Variants in CNST observed in about 807,000 individuals in gnomAD.
CNST encodes the protein consortin.
In CNST, 39 loss-of-function variants were observed where a neutral mutation model predicts 72.4. That is an observed-to-expected ratio of 0.54 (90% CI 0.42 to 0.70). CNST has a LOEUF of 0.70. CNST is among the 30% of genes least tolerant of loss of function. CNST has a pLI of 0.00. For synonymous variants in CNST, 332 were observed against 320.1 expected, an observed-to-expected ratio of 1.04 and a Z score of -0.40; for missense variants, 871 against 868.5, an observed-to-expected ratio of 1.00 and a Z score of -0.04.
intron 8 of CNST, among the ~76,000 whole-genome samples, chr1:246,642,641 T>C (rs1372094442): frequency 1.3e-5 from 2 of 151,678 alleles, no homozygotes; most frequent in African/African-American, 4.8e-5. Flanking sequence ...ATGTTGCTCA[T>C]TATAAAAGCT....
In CNST at chr1:246,647,942, C is replaced by G. The variant is rs764848856; in HGVS notation, c.1741C>G (p.Pro581Ala). The change falls in exon 9 of 11, where the codon CCT becomes GCT. Residue 581 changes from proline to alanine, a missense_variant. Pro to Ala is a conservative substitution (Grantham distance 27). Coordinates refer to ENST00000366513, the MANE Select transcript of CNST (RefSeq NM_152609.3). Reference sequence around the variant, plus strand: ...CTCCGATCTCCTTCAAGATCTCTCTCCTGAAGAAGCATCCTATAGTCTCCA... The same window carrying G: ...CTCCGATCTCCTTCAAGATCTCTCTGCTGAAGAAGCATCCTATAGTCTCCA... ...DDSDLLQDLS[P>A]EEASYSLQEN... 5 of 1,613,448 alleles carry G rather than the reference C, an allele frequency of 3.1e-6. No individual in the cohort carries two copies. The highest frequency in any genetic ancestry group is 4.2e-6 in the Non-Finnish European group (5 of 1,179,638).
chr1:246,636,506 T>C (rs1331457449), intron 6 of CNST, among the ~76,000 whole-genome samples: 3 of 152,302 alleles, frequency 2.0e-5, no homozygotes, highest in Non-Finnish European at 4.4e-5. Context: ...AACCGGTTTT[T>C]TCCTGGCTAG....
At chr1:246,659,551 C>T (rs927250136) in intron 9 of CNST, among the ~76,000 whole-genome samples, 44 of 151,570 alleles carry the variant, frequency 2.9e-4, no homozygotes, top group African/African-American at 9.4e-4. Context: ...GCCGAGATCG[C>T]GCCACTGCAC....
At chr1:246,636,331 G>A (rs1054574843) in intron 6 of CNST, among the ~76,000 whole-genome samples, 2 of 152,060 alleles carry the variant, frequency 1.3e-5, no homozygotes, top group African/African-American at 2.4e-5. Context: ...CCAGGTCGAC[G>A]GGCGTTCCTG....
Position 246,634,030 on chromosome 1 carries a change from G to C in CNST, c.703+20G>C, listed in dbSNP as rs769513281. 1.3e-5 allele frequency: 19 copies of C among 1,480,360 alleles called. No individual in the cohort carries two copies. The highest frequency in any genetic ancestry group is 3.4e-4 in the Middle Eastern group (2 of 5,846). The allele number at this position is 1,480,360 out of a possible 1,614,324, so 91.7% of individuals were successfully genotyped here. ...AGTGGGGTAAGTACAGACCAACATG[G>C]AATGTGGAATTAGCAGTAATCCAAC... On this transcript the variant is annotated intron_variant, in intron 5 of 10. Coordinates refer to ENST00000366513, the MANE Select transcript of CNST (RefSeq NM_152609.3).
Position 246,579,817 on chromosome 1 carries a change from C to T in CNST, c.-51-11695C>T, listed in dbSNP as rs568575762. Among the ~76,000 whole-genome samples the T allele has an allele frequency of 3.3e-5, 5 of 152,188 alleles. No individual in the cohort carries two copies. The South Asian group carries it at 1.0e-3, about 32-fold the overall frequency. On this transcript the variant is annotated intron_variant, in intron 1 of 10. Transcript: ENST00000366513. ...AGAGTAAATAAAACAAAATTTCTAG[C>T]GGTTGACATCTGGAGACTATTTACA... is the stretch of plus-strand genomic sequence containing the variant.
chr1:246,585,691 ACACACACACACACACACACAC>A (rs1661119072), intron 1 of CNST, among the ~76,000 whole-genome samples: 1 of 147,834 alleles, frequency 6.8e-6, no homozygotes, highest in Non-Finnish European at 1.5e-5. Flanking sequence ...ACACACACAC[ACACACACACACACACACACAC>A]TATATATGTA....
intron 1 of CNST, among the ~76,000 whole-genome samples, chr1:246,582,001 G>A (rs115509231): frequency 0.012 from 1,877 of 152,180 alleles, 20 homozygotes; most frequent in Non-Finnish European, 0.021. Context: ...AAATAGAAGT[G>A]TCTTTTCATT....
chr1:246,602,122 C>T (rs1162290046), intron 2 of CNST, among the ~76,000 whole-genome samples: 1 of 152,102 alleles, frequency 6.6e-6, no homozygotes, highest in Non-Finnish European at 1.5e-5. Flanking sequence ...TGCACCATTT[C>T]CAGGAGTGTT....
intron 1 of CNST, among the ~76,000 whole-genome samples, chr1:246,574,162 C>T (rs1055665918): frequency 1.3e-5 from 2 of 152,206 alleles, no homozygotes; most frequent in African/African-American, 4.8e-5. Context: ...CCGCCTCAGC[C>T]TCCGGAGTGG....
chr1:246,607,073 C>T (rs1662900545), intron 2 of CNST: 1 of 152,516 alleles, frequency 6.6e-6, no homozygotes, highest in African/African-American at 2.4e-5. Context: ...CCTTGGCCAC[C>T]ACTCGGCTGT....
At chr1:246,662,752 A>G (rs1048613610) in intron 10 of CNST, among the ~76,000 whole-genome samples, 1 of 152,206 alleles carries the variant, frequency 6.6e-6, no homozygotes, top group Non-Finnish European at 1.5e-5. Context: ...AATGTGATCT[A>G]TATGAAAAAA....
At chr1:246,655,068 G>T (rs1223247335) in intron 9 of CNST, among the ~76,000 whole-genome samples, 1 of 151,906 alleles carries the variant, frequency 6.6e-6, no homozygotes, top group African/African-American at 2.4e-5. Context: ...CAATTTTCTG[G>T]GCCTTAAAAA....
chr1:246,646,279 C>CAAAAAAAAAAAAAAAAAAAA (rs550697329), intron 8 of CNST, among the ~76,000 whole-genome samples: 1 of 99,424 alleles, frequency 1.0e-5, no homozygotes, highest in African/African-American at 4.5e-5. Flanking sequence ...AACTCCGTCT[C>CAAAAAAAAAAAAAAAAAAAA]AAAAAAAAAA....
At chr1:246,615,979 G>T (rs149752840) in intron 2 of CNST, among the ~76,000 whole-genome samples, 41 of 152,196 alleles carry the variant, frequency 2.7e-4, no homozygotes, top group Non-Finnish European at 4.6e-4. Context: ...CTTAAATTAG[G>T]TCTTATGAAT....
intron 2 of CNST, among the ~76,000 whole-genome samples, chr1:246,615,237 G>A (rs1040912848): frequency 2.6e-5 from 4 of 152,030 alleles, no homozygotes; most frequent in Admixed American, 2.0e-4. Context: ...GCGCAGTGGC[G>A]CGATCTCGGC....
intron 2 of CNST, among the ~76,000 whole-genome samples, chr1:246,595,693 G>A (rs1002900358): frequency 6.6e-6 from 1 of 151,932 alleles, no homozygotes; most frequent in African/African-American, 2.4e-5. Context: ...CAGAAATGCA[G>A]TTTTTTGTAG....
rs773461013 is a variant in CNST at position 246,647,523 on chromosome 1, G to A, written c.1322G>A (p.Arg441His). The change falls in exon 9 of 11, where the codon CGT becomes CAT. Residue 441 changes from arginine (R) to histidine (H), a missense_variant. Physicochemically the swap from Arg to His is conservative, Grantham distance 29. Coordinates refer to ENST00000366513, the MANE Select transcript of CNST (RefSeq NM_152609.3). Reference sequence around the variant, plus strand: ...CCGTTGATTTCACCAGGCTGTGACCGTATACCTCCTGCATTGATTTCTGAG... The same window carrying A: ...CCGTTGATTTCACCAGGCTGTGACCATATACCTCCTGCATTGATTTCTGAG... ...TEPLISPGCD[R>H]IPPALISEGK... 416 of 1,614,020 alleles carry A rather than the reference G, an allele frequency of 2.6e-4. No individual in the cohort carries two copies. The highest frequency in any genetic ancestry group is 3.3e-4 in the Non-Finnish European group (395 of 1,180,034).
At chr1:246,622,280 G>A (rs1012726138) in intron 3 of CNST, among the ~76,000 whole-genome samples, 10 of 152,218 alleles carry the variant, frequency 6.6e-5, no homozygotes, top group African/African-American at 1.4e-4. Context: ...GAATATGCCC[G>A]TAAGAGAGCC....
Sources: allele counts gnomAD v4.1 joint callset (sites outside exome capture counted in the v4.1 genomes callset), GRCh38; gene constraint gnomAD v4.1.1; transcripts MANE v1.5; gene names NCBI Gene and HGNC (gene_info 2026-07-23, HGNC 2026-07-21).